WDR70: variants seen among roughly 807,000 people sequenced by gnomAD.
WDR70 encodes WD repeat-containing protein 70.
Under a neutral mutation model 88.6 loss-of-function variants are expected in WDR70, and 53 were observed. That is an observed-to-expected ratio of 0.60 (90% confidence interval 0.48 to 0.75). WDR70 has a LOEUF of 0.75. WDR70 is among the 30% of genes least tolerant of loss of function. The pLI, the probability that WDR70 is intolerant of heterozygous loss-of-function variation, is 0.00. For synonymous variants in WDR70, 280 were observed against 270.0 expected, an observed-to-expected ratio of 1.04 and a Z score of -0.36; for missense variants, 610 against 823.2, an observed-to-expected ratio of 0.74 and a Z score of 3.17.
intron 10 of WDR70, among the ~76,000 whole-genome samples, chr5:37,635,362 A>G (rs1399090074): frequency 1.3e-5 from 2 of 152,184 alleles, no homozygotes; most frequent in African/African-American, 4.8e-5. Flanking sequence ...TGCTGCTTCA[A>G]AACTAGCTGT....
rs1256600820 is a variant in WDR70 at position 37,479,858 on chromosome 5, T to C, written c.711T>C (p.Tyr237=). 3.1e-6 allele frequency: 5 copies of C among 1,614,080 alleles called. No individual in the cohort carries two copies. The highest frequency in any genetic ancestry group is 1.7e-5 in the Admixed American group (1 of 60,006). Residue 237 remains tyrosine, a synonymous_variant, in exon 8 of 18, where the codon TAT becomes TAC. Coordinates refer to ENST00000265107, the MANE Select transcript of WDR70 (RefSeq NM_018034.4). The part of the protein sequence containing the change: ...CECHQIKSLQ[Y]SNTGDMILVV... ...GCCATCAGATCAAGTCATTACAGTATAGTAACACAGGAGACATGATTCTTG... is the reference window on the plus strand; with the variant it reads ...GCCATCAGATCAAGTCATTACAGTACAGTAACACAGGAGACATGATTCTTG...
chr5:37,614,131 T>A (rs1744264719), intron 10 of WDR70, among the ~76,000 whole-genome samples: 1 of 152,214 alleles, frequency 6.6e-6, no homozygotes, highest in Non-Finnish European at 1.5e-5. Flanking sequence ...AAAATCAAGG[T>A]GTTAGCAGGG....
intron 8 of WDR70, among the ~76,000 whole-genome samples, chr5:37,496,068 C>T (rs1247923884): frequency 1.3e-5 from 2 of 152,168 alleles, no homozygotes. Context: ...GAGAACTTTT[C>T]TGTCTAGCTA....
At chr5:37,713,033 C>G (rs1223262658) in intron 13 of WDR70, among the ~76,000 whole-genome samples, 1 of 152,154 alleles carries the variant, frequency 6.6e-6, no homozygotes, top group East Asian at 1.9e-4. Flanking sequence ...TTTTTTGTAA[C>G]TAGCAGATTC....
chr5:37,686,276 C>T (rs1412640296), intron 10 of WDR70, among the ~76,000 whole-genome samples: 1 of 151,034 alleles, frequency 6.6e-6, no homozygotes, highest in Non-Finnish European at 1.5e-5. Flanking sequence ...GATTATGTCA[C>T]TGCACTCCAA....
intron 8 of WDR70, chr5:37,506,821 T>TG: frequency 7.6e-7 from 1 of 1,313,922 alleles, no homozygotes; most frequent in Non-Finnish European, 1.1e-6. Context: ...TTTCCGTTCT[T>TG]GGGGGCTGCT....
intron 14 of WDR70, 45 bp from the exon 15 acceptor site, chr5:37,722,810 T>C (rs1747861091): frequency 1.3e-6 from 2 of 1,585,068 alleles, no homozygotes; most frequent in Non-Finnish European, 1.7e-6. Context: ...AATTTTCTGT[T>C]TCTAAGACCA....
In WDR70 at chr5:37,379,528, C is replaced by A. The variant is rs761062481; in HGVS notation, c.65C>A (p.Ala22Glu). ...GCGTCGGGACCGGACCCGCAGCTTG[C>A]GGTCACCATGGGCTTCACGGGGTTC... Reference protein sequence around the residue: ...SDASGPDPQLAVTMGFTGFGK... With the variant: ...SDASGPDPQLEVTMGFTGFGK... Residue 22 changes from alanine to glutamate, a missense_variant, in exon 2 of 18, where the codon GCG becomes GAG. By Grantham distance (107) the Ala-to-Glu change is moderately radical. Coordinates refer to ENST00000265107, the MANE Select transcript of WDR70 (RefSeq NM_018034.4). The A allele has an allele frequency of 6.2e-7, 1 of 1,614,004 alleles. No homozygotes were observed. Among genetic ancestry groups the A allele is most frequent in the East Asian group, 2.2e-5 (1 of 44,888 alleles).
At chr5:37,732,615 G>T (rs1163826499) in intron 17 of WDR70, among the ~76,000 whole-genome samples, 1 of 152,012 alleles carries the variant, frequency 6.6e-6, no homozygotes, top group East Asian at 1.9e-4. Context: ...CTCGAGAAAA[G>T]ATGCTAAAAG....
intron 9 of WDR70, among the ~76,000 whole-genome samples, chr5:37,553,329 A>G (rs2112354058): frequency 6.6e-6 from 1 of 152,250 alleles, no homozygotes; most frequent in South Asian, 2.1e-4. Context: ...GTTATACCAC[A>G]TTCCTTCTCT....
chr5:37,440,216 A>G (rs1292273593), intron 6 of WDR70, among the ~76,000 whole-genome samples: 1 of 152,200 alleles, frequency 6.6e-6, no homozygotes, highest in South Asian at 2.1e-4. Context: ...CATAATAGTC[A>G]ACTGAACCCT....
chr5:37,690,966 T>C (rs1746776385), intron 10 of WDR70, among the ~76,000 whole-genome samples: 1 of 152,098 alleles, frequency 6.6e-6, no homozygotes, highest in Non-Finnish European at 1.5e-5. Flanking sequence ...CAGTGTGCTG[T>C]ATTCAGGAGA....
intron 10 of WDR70, among the ~76,000 whole-genome samples, chr5:37,660,623 C>G (rs970367813): frequency 6.6e-6 from 1 of 152,032 alleles, no homozygotes; most frequent in Admixed American, 6.5e-5. Context: ...CTGCAGGTTA[C>G]TTTTGATTTG....
At chr5:37,686,491 G>A (rs1356414378) in intron 10 of WDR70, among the ~76,000 whole-genome samples, 1 of 151,312 alleles carries the variant, frequency 6.6e-6, no homozygotes, top group Non-Finnish European at 1.5e-5. Flanking sequence ...GCCAGTTAGA[G>A]CCTAGGCGGG....
At chr5:37,404,138 A>G (rs1258722207) in intron 5 of WDR70, among the ~76,000 whole-genome samples, 1 of 152,158 alleles carries the variant, frequency 6.6e-6, no homozygotes, top group African/African-American at 2.4e-5. Context: ...ATTCAGTATA[A>G]CTGTAGTGGA....
At chr5:37,419,199 C>G (rs181195960) in intron 5 of WDR70, among the ~76,000 whole-genome samples, 1 of 149,750 alleles carries the variant, frequency 6.7e-6, no homozygotes, top group Non-Finnish European at 1.5e-5. Flanking sequence ...TTTCATTTTA[C>G]GTTAAAGTGT....
intron 8 of WDR70, among the ~76,000 whole-genome samples, chr5:37,501,017 G>A (rs1216089915): frequency 1.3e-5 from 2 of 152,072 alleles, no homozygotes; most frequent in African/African-American, 4.8e-5. Flanking sequence ...GGGATTACAG[G>A]CGTGAGCCAC....
At chr5:37,487,617 ATATATATGTATTT>A (rs1561871943) in intron 8 of WDR70, among the ~76,000 whole-genome samples, 1 of 43,758 alleles carries the variant, frequency 2.3e-5, no homozygotes, top group African/African-American at 4.9e-5. Flanking sequence ...ATATATATAT[ATATATATGTATTT>A]TTTTTTTTTT....
At chr5:37,576,607 G>T (rs958866615) in intron 9 of WDR70, among the ~76,000 whole-genome samples, 8 of 151,866 alleles carry the variant, frequency 5.3e-5, no homozygotes, top group African/African-American at 1.5e-4. Flanking sequence ...AATTGATAGC[G>T]CTTCCTTCCA....
Sources: gnomAD v4.1 joint callset for allele counts (sites outside exome capture counted in the v4.1 genomes callset) on GRCh38, gnomAD v4.1.1 for gene constraint, MANE v1.5 for transcripts, NCBI Gene and HGNC (gene_info 2026-07-23, HGNC 2026-07-21) for gene names.